Variants in NPAS3 observed in about 807,000 individuals in gnomAD.
NPAS3 encodes the protein neuronal PAS domain-containing protein 3.
Under a neutral mutation model 73.1 loss-of-function variants are expected in NPAS3, and 14 were observed. The observed-to-expected ratio is 0.19, with a 90% CI of 0.13 to 0.30. The LOEUF (loss-of-function observed/expected upper bound fraction) is 0.30, where lower values mean the gene tolerates loss of function less well. NPAS3 is among the 10% of genes least tolerant of loss of function. The pLI is 1.00. For synonymous variants in NPAS3, 620 were observed against 541.5 expected, an observed-to-expected ratio of 1.14 and a Z score of -2.01; for missense variants, 1,096 against 1,250.0, an observed-to-expected ratio of 0.88 and a Z score of 1.86.
chr14:33,671,475 C>T (rs997684186), intron 5 of NPAS3, among the ~76,000 whole-genome samples: 1 of 152,070 alleles, frequency 6.6e-6, no homozygotes, highest in African/African-American at 2.4e-5. Flanking sequence ...TTGAGAAAGG[C>T]TGTGTGGTTT....
intron 3 of NPAS3, among the ~76,000 whole-genome samples, chr14:33,274,010 A>G (rs2041218196): frequency 2.0e-5 from 3 of 152,180 alleles, no homozygotes; most frequent in African/African-American, 7.2e-5. Context: ...TGATTTGCAA[A>G]TCGGACAGCC....
At chr14:33,528,253 C>A (rs1430827824) in intron 4 of NPAS3, among the ~76,000 whole-genome samples, 1 of 151,882 alleles carries the variant, frequency 6.6e-6, no homozygotes, top group Non-Finnish European at 1.5e-5. Flanking sequence ...TCTGCCTGAC[C>A]TCAAAGCCTA....
intron 4 of NPAS3, among the ~76,000 whole-genome samples, chr14:33,372,989 C>T (rs1458949267): frequency 6.6e-6 from 1 of 152,104 alleles, no homozygotes; most frequent in East Asian, 1.9e-4. Context: ...AAAAAGTACG[C>T]ATGTTATTTA....
At chr14:33,112,145 T>C (rs1276459353) in intron 2 of NPAS3, among the ~76,000 whole-genome samples, 1 of 152,222 alleles carries the variant, frequency 6.6e-6, no homozygotes, top group Non-Finnish European at 1.5e-5. Flanking sequence ...TGCATGTGTC[T>C]TTATAGCAGC....
intron 2 of NPAS3, among the ~76,000 whole-genome samples, chr14:33,195,556 C>T (rs987208488): frequency 6.6e-6 from 1 of 152,188 alleles, no homozygotes; most frequent in African/African-American, 2.4e-5. Context: ...GCATGAGCCA[C>T]CATGCCTGGC....
chr14:33,629,300 T>TATCA (rs1315470169), intron 5 of NPAS3, among the ~76,000 whole-genome samples: 1 of 151,890 alleles, frequency 6.6e-6, no homozygotes, highest in East Asian at 1.9e-4. Flanking sequence ...CCTTTGAGTC[T>TATCA]ATCAGTGATA....
At chr14:33,733,314 A>C (rs999878784) in intron 6 of NPAS3, among the ~76,000 whole-genome samples, 1 of 119,230 alleles carries the variant, frequency 8.4e-6, no homozygotes, top group African/African-American at 4.0e-5. Context: ...CCTTGGGAGG[A>C]AAAAAAAAAA....
intron 6 of NPAS3, among the ~76,000 whole-genome samples, chr14:33,691,005 C>T (rs558610715): frequency 1.2e-3 from 189 of 152,244 alleles, no homozygotes; most frequent in South Asian, 1.7e-3. Context: ...CTGATTTATC[C>T]TAAGCCTTAA....
At chr14:33,636,009 A>G (rs555302001) in intron 5 of NPAS3, among the ~76,000 whole-genome samples, 1 of 152,164 alleles carries the variant, frequency 6.6e-6, no homozygotes, top group South Asian at 2.1e-4. Flanking sequence ...CAATGGCACG[A>G]TCTCCGCCTC....
intron 3 of NPAS3, among the ~76,000 whole-genome samples, chr14:33,360,301 G>T (rs138220722): frequency 1.2e-4 from 18 of 150,682 alleles, no homozygotes; most frequent in Non-Finnish European, 1.9e-4. Flanking sequence ...TTATTCTGAA[G>T]TCGCTTTATA....
At chr14:33,733,121 C>G (rs1352209129) in intron 6 of NPAS3, among the ~76,000 whole-genome samples, 1 of 152,116 alleles carries the variant, frequency 6.6e-6, no homozygotes, top group East Asian at 1.9e-4. Flanking sequence ...TCTTGCTGAA[C>G]AGAGCTGAAT....
At chr14:33,703,663 A>G (rs557715567) in intron 6 of NPAS3, among the ~76,000 whole-genome samples, 1 of 152,306 alleles carries the variant, frequency 6.6e-6, no homozygotes, top group South Asian at 2.1e-4. Context: ...GCAATAATAC[A>G]TGATGATAAA....
intron 4 of NPAS3, among the ~76,000 whole-genome samples, chr14:33,449,510 C>A (rs1426012242): frequency 6.6e-6 from 1 of 151,934 alleles, no homozygotes; most frequent in South Asian, 2.1e-4. Context: ...TTTTTTTGAC[C>A]CCTTAGTATG....
chr14:33,225,453 C>G (rs576599413), intron 3 of NPAS3, among the ~76,000 whole-genome samples: 1 of 152,124 alleles, frequency 6.6e-6, no homozygotes. Flanking sequence ...AGTTCTATAA[C>G]AGGAGTCAGC....
intron 5 of NPAS3, among the ~76,000 whole-genome samples, chr14:33,596,212 T>C (rs982311365): frequency 4.6e-5 from 7 of 152,208 alleles, no homozygotes; most frequent in African/African-American, 1.7e-4. Flanking sequence ...CCCATAAATA[T>C]TGAAAGTGCA....
chr14:33,609,413 G>A (rs1190392197), intron 5 of NPAS3, among the ~76,000 whole-genome samples: 1 of 152,078 alleles, frequency 6.6e-6, no homozygotes, highest in Non-Finnish European at 1.5e-5. Context: ...TCTCCTCTAT[G>A]GACTTTGGAA....
At chr14:33,387,630 A>G (rs1268888597) in intron 4 of NPAS3, among the ~76,000 whole-genome samples, 1 of 152,022 alleles carries the variant, frequency 6.6e-6, no homozygotes, top group Admixed American at 6.6e-5. Context: ...AGAGGGCAGG[A>G]GAAGGACAGA....
chr14:33,355,461 C>T (rs112274451), intron 3 of NPAS3, among the ~76,000 whole-genome samples: 13 of 152,162 alleles, frequency 8.5e-5, no homozygotes, highest in African/African-American at 2.4e-4. Context: ...CCATCATGCC[C>T]GGCTAATTTT....
intron 10 of NPAS3, among the ~76,000 whole-genome samples, chr14:33,795,239 C>T (rs1288741361): frequency 1.3e-5 from 2 of 152,304 alleles, no homozygotes; most frequent in East Asian, 3.9e-4. Flanking sequence ...AAAGAGTCTT[C>T]ATTTATCTAC....
Sources: gnomAD v4.1 joint callset for allele counts (sites outside exome capture counted in the v4.1 genomes callset) on GRCh38, gnomAD v4.1.1 for gene constraint, MANE v1.5 for transcripts, NCBI Gene and HGNC (gene_info 2026-07-23, HGNC 2026-07-21) for gene names.